The following HIVEP1 variants were observed in gnomAD, a reference collection of about 807,000 sequenced individuals.
The protein encoded by HIVEP1 is HIVEP zinc finger 1.
In HIVEP1, 36 loss-of-function variants were observed where a neutral mutation model predicts 180.0. That is an observed-to-expected ratio of 0.20 (90% CI 0.15 to 0.26). The LOEUF (loss-of-function observed/expected upper bound fraction) is 0.26, where lower values mean the gene tolerates loss of function less well. Ranked by LOEUF, HIVEP1 falls within the 10% of genes least tolerant of loss-of-function variation. The probability of loss-of-function intolerance (pLI) is 1.00; values close to 1 mark genes in which losing one functional copy is unlikely to be tolerated. For synonymous variants in HIVEP1, 1,239 were observed against 1,239.0 expected (o/e 1.00, Z 0.00); for missense variants, 3,143 against 3,268.7 (o/e 0.96, Z 0.94).
chr6:12,017,625 G>A lies in HIVEP1; in HGVS notation c.40+1957G>A, dbSNP rs950095710. On this transcript the variant is annotated intron_variant, in intron 2 of 8. Transcript: ENST00000379388. ...GGTCCGTTTTACAGAGAGCCGATTG[G>A]TCTGTTTTACAGAGAGCTGATTGGT... Among the ~76,000 whole-genome samples the A allele has an allele frequency of 2.0e-5, 3 of 151,788 alleles. No individual in the cohort carries two copies. In the East Asian group the frequency reaches 5.8e-4, roughly 29 times the overall value.
At position 12,140,741 on chromosome 6, in the gene HIVEP1, A is replaced by C. The variant is rs190055555; in HGVS notation, c.6487+4849A>C. Among the ~76,000 whole-genome samples, 471 of 152,346 alleles carry C rather than the reference A, an allele frequency of 3.1e-3. 2 individuals are homozygous for C. The highest frequency in any genetic ancestry group is 0.014 in the Middle Eastern group (4 of 294). Reference sequence around the variant, plus strand: ...ACGCATACACAAGCTTCAATAGCTGATTTGATCAAGTGGAAGAAAGGGTAT... The same window carrying C: ...ACGCATACACAAGCTTCAATAGCTGCTTTGATCAAGTGGAAGAAAGGGTAT... On this transcript the variant is annotated intron_variant, in intron 7 of 8. Transcript: ENST00000379388.
intron 7 of HIVEP1, among the ~76,000 whole-genome samples, chr6:12,158,417 A>T (rs1392583952): frequency 6.6e-6 from 1 of 152,166 alleles, no homozygotes; most frequent in African/African-American, 2.4e-5. Context: ...TCACCTGTTC[A>T]GTTCTAGTTT....
chr6:12,045,544 T>C (rs923493728), intron 2 of HIVEP1, among the ~76,000 whole-genome samples: 5 of 152,260 alleles, frequency 3.3e-5, no homozygotes, highest in Non-Finnish European at 7.3e-5. Flanking sequence ...CCTGGGATTG[T>C]GCAGTGAGCA....
chr6:12,110,664 T>A (rs576281143), intron 3 of HIVEP1, among the ~76,000 whole-genome samples: 41 of 152,370 alleles, frequency 2.7e-4, no homozygotes, highest in South Asian at 1.0e-3. Flanking sequence ...TGGTTTCATC[T>A]TCTGTCCAAA....
intron 4 of HIVEP1, among the ~76,000 whole-genome samples, chr6:12,128,453 T>C (rs925498012): frequency 1.3e-5 from 2 of 152,214 alleles, no homozygotes; most frequent in African/African-American, 4.8e-5. Flanking sequence ...CACAGCTGTC[T>C]GCTTGACAAT....
chr6:12,063,986 T>A lies in HIVEP1; in HGVS notation c.41-25198T>A, dbSNP rs1036579141. The stretch of plus-strand genomic sequence containing the variant: ...GTGTGATCTTGGAAAATGAGAGACC[T>A]CAGATTTTGGCAAGGAACATGCCTT... On this transcript the variant is annotated intron_variant, in intron 2 of 8. Transcript: ENST00000379388. The surrounding 1 kb of genome is among the most constrained non-coding windows in gnomAD (Gnocchi z 4.2). Among the ~76,000 whole-genome samples, 1 of 152,140 alleles carries A rather than the reference T, an allele frequency of 6.6e-6. No individual in the cohort carries two copies. The highest frequency in any genetic ancestry group is 1.5e-5 in the Non-Finnish European group (1 of 68,024).
At chr6:12,126,634 A>G (rs909810868) in intron 4 of HIVEP1, among the ~76,000 whole-genome samples, 1 of 152,218 alleles carries the variant, frequency 6.6e-6, no homozygotes, top group East Asian at 1.9e-4. Flanking sequence ...CTGCAGATTC[A>G]TAAGCATGCA....
chr6:12,146,753 AG>A (rs1386833459), intron 7 of HIVEP1, among the ~76,000 whole-genome samples: 2 of 152,048 alleles, frequency 1.3e-5, no homozygotes, highest in South Asian at 2.1e-4. Context: ...AGAGGAGAAA[AG>A]TTTATTCTCT....
At chr6:12,016,045 A>G (rs1227816419) in intron 2 of HIVEP1, among the ~76,000 whole-genome samples, 3 of 152,024 alleles carry the variant, frequency 2.0e-5, no homozygotes, top group African/African-American at 7.2e-5. Context: ...CTCTTCCTCC[A>G]TAGTTCTTTT....
intron 2 of HIVEP1, among the ~76,000 whole-genome samples, chr6:12,075,446 T>G (rs1772288177): frequency 6.6e-6 from 1 of 152,228 alleles, no homozygotes; most frequent in South Asian, 2.1e-4. Flanking sequence ...ACCTTTTGAA[T>G]GCCCACTCTG....
At chr6:12,201,146 T>C in the HIVEP1 span, among the ~76,000 whole-genome samples, 2 of 152,250 alleles carry the variant, frequency 1.3e-5, no homozygotes, top group Non-Finnish European at 2.9e-5. Flanking sequence ...TTCAAACACA[T>C]GCTTTTCTTT....
chr6:12,134,663 T>G (rs1257050971), intron 6 of HIVEP1, among the ~76,000 whole-genome samples: 2 of 152,252 alleles, frequency 1.3e-5, no homozygotes, highest in Non-Finnish European at 2.9e-5. Flanking sequence ...CTTGCCCTTG[T>G]TGGCAATGCT....
chr6:12,151,884 A>C (rs756700074), intron 7 of HIVEP1, among the ~76,000 whole-genome samples: 10 of 152,186 alleles, frequency 6.6e-5, no homozygotes, highest in South Asian at 4.1e-4. Context: ...CCCTGATATA[A>C]CCATTACTCA....
At chr6:12,047,797 C>T (rs1264815536) in intron 2 of HIVEP1, among the ~76,000 whole-genome samples, 1 of 152,166 alleles carries the variant, frequency 6.6e-6, no homozygotes, top group Non-Finnish European at 1.5e-5. Flanking sequence ...CTTTTTAATT[C>T]AGTGGTATTT....
chr6:12,107,492 G>A (rs1774508382), intron 3 of HIVEP1, among the ~76,000 whole-genome samples: 1 of 152,174 alleles, frequency 6.6e-6, no homozygotes, highest in Non-Finnish European at 1.5e-5. Flanking sequence ...TGGGTTCTTG[G>A]TCTCACTGAC....
intron 2 of HIVEP1, among the ~76,000 whole-genome samples, chr6:12,062,082 A>G (rs1771275746): frequency 6.6e-6 from 1 of 152,198 alleles, no homozygotes; most frequent in East Asian, 1.9e-4. Context: ...TAGTTGCCTA[A>G]GTCAAATCTG....
rs1425472952 is a variant in HIVEP1 at position 12,063,894 on chromosome 6, A to T, written c.41-25290A>T. 6.6e-6 allele frequency among the ~76,000 whole-genome samples: 1 copy of T among 152,148 alleles called. No homozygotes were observed. The highest frequency in any genetic ancestry group is 1.5e-5 in the Non-Finnish European group (1 of 68,024). The stretch of plus-strand genomic sequence containing the variant: ...CTGAGCACTGCAAACCTTGGGTCTT[A>T]AGTTTGGGACTGCCAAGTGACTCCC... On this transcript the variant is annotated intron_variant, in intron 2 of 8. Transcript: ENST00000379388. The surrounding 1 kb of genome is among the most constrained non-coding windows in gnomAD (Gnocchi z 4.2).
intron 2 of HIVEP1, among the ~76,000 whole-genome samples, chr6:12,088,809 T>C (rs116994743): frequency 0.015 from 2,208 of 152,266 alleles, 79 homozygotes; most frequent in Admixed American, 0.082. Context: ...TCTGGTTGTT[T>C]CTAAGCTAGT....
chr6:12,159,191 CGTGTGTGT>C (rs571300949), intron 7 of HIVEP1, among the ~76,000 whole-genome samples: 1 of 150,978 alleles, frequency 6.6e-6, no homozygotes, highest in South Asian at 2.1e-4. Context: ...TTAGGCTGTA[CGTGTGTGT>C]GTGTGTGTGC....
Sources: gnomAD v4.1 joint callset for allele counts (sites outside exome capture counted in the v4.1 genomes callset) on GRCh38, gnomAD v4.1.1 for gene constraint, Gnocchi (gnomAD v3.1) non-coding constraint, MANE v1.5 for transcripts, NCBI Gene and HGNC (gene_info 2026-07-23, HGNC 2026-07-21) for gene names.